BCLAF3: variants seen among roughly 807,000 people sequenced by gnomAD.
BCLAF3 encodes the protein BCLAF1 and THRAP3 family member 3.
BCLAF3 carries 24 observed loss-of-function variants against 51.2 expected under a neutral mutation model. The observed-to-expected ratio is 0.47, with a 90% CI of 0.34 to 0.66. BCLAF3 has a LOEUF of 0.66. BCLAF3 is among the 30% of genes least tolerant of loss of function. The probability of loss-of-function intolerance (pLI) is 0.01; values close to 1 mark genes in which losing one functional copy is unlikely to be tolerated. For missense variants in BCLAF3, 465 were observed against 525.1 expected, an observed-to-expected ratio of 0.89 and a Z score of 1.12; for synonymous variants, 152 against 176.6, an observed-to-expected ratio of 0.86 and a Z score of 1.10.
At chrX:19,945,677 AG>A (rs1246784290) in intron 8 of BCLAF3, among the ~76,000 whole-genome samples, 1 of 77,638 alleles carries the variant, frequency 1.3e-5, no homozygotes, top group Non-Finnish European at 2.2e-5. Flanking sequence ...CTCTCTTCAA[AG>A]CTGTCAGACA....
At chrX:19,976,767 A>G (rs1188998924) in intron 1 of BCLAF3, among the ~76,000 whole-genome samples, 3 of 112,122 alleles carry the variant, frequency 2.7e-5, no homozygotes, top group Non-Finnish European at 5.6e-5. Context: ...AAGTCTGTAG[A>G]GGCACATCTC....
In BCLAF3 at chrX:19,929,816, T is replaced by G. The variant is rs1569500720; in HGVS notation, c.2075A>C (p.Lys692Thr). ...FTGPRGFITH[K>T]FRERLMRKKK... Reference sequence around the variant, plus strand: ...TTTTCTCATTAATCTTTCTCTGAACTTATGAGTGATAAATCCCCTTGGGCC... The same window carrying G: ...TTTTCTCATTAATCTTTCTCTGAACGTATGAGTGATAAATCCCCTTGGGCC... The change falls in exon 11 of 12, where the codon AAG becomes ACG. Residue 692 changes from lysine (K) to threonine (T), a missense_variant. Lys to Thr is a moderately conservative substitution (Grantham distance 78). Transcript: ENST00000379682. The G allele has an allele frequency of 8.3e-6, 10 of 1,206,699 alleles. No homozygotes were observed. In the East Asian group the frequency reaches 3.0e-4, roughly 36 times the overall value.
At chrX:19,971,538 C>T (rs1164477122) in intron 1 of BCLAF3, among the ~76,000 whole-genome samples, 9 of 112,654 alleles carry the variant, frequency 8.0e-5, no homozygotes, top group Non-Finnish European at 1.5e-4. Context: ...CACTTCTAAA[C>T]TTGATTTTTC....
intron 5 of BCLAF3, 62 bp from the exon 6 acceptor site, chrX:19,953,954 T>G: frequency 8.7e-7 from 1 of 1,149,385 alleles, no homozygotes. Context: ...AAAGATTACA[T>G]ATAAGCACAG....
intron 1 of BCLAF3, among the ~76,000 whole-genome samples, chrX:19,989,506 A>G (rs1349842028): frequency 1.8e-5 from 2 of 112,274 alleles, no homozygotes; most frequent in African/African-American, 6.5e-5. Flanking sequence ...AATCATAGAT[A>G]TGCGGACTTT....
Position 19,963,080 on chromosome X carries a change from G to A in BCLAF3, c.1274+1964C>T, listed in dbSNP as rs1158160671. 4.7e-5 allele frequency among the ~76,000 whole-genome samples: 5 copies of A among 107,445 alleles called. No homozygotes were observed. In the Admixed American group the frequency reaches 5.0e-4, roughly 11 times the overall value. The allele number at this position is 107,445 out of a possible 115,157, so 93.3% of individuals were successfully genotyped here. On this transcript the variant is annotated intron_variant, in intron 4 of 11. Coordinates refer to ENST00000379682, the MANE Select transcript of BCLAF3 (RefSeq NM_001367774.2). Reference sequence around the variant, plus strand: ...AGCCTGGGTGACAGAGCGTGACCCTGTCTCAAAAAGAAAAAAAAGAAAGAA... The same window carrying A: ...AGCCTGGGTGACAGAGCGTGACCCTATCTCAAAAAGAAAAAAAAGAAAGAA...
chrX:19,960,993 G>T (rs2071835117), intron 4 of BCLAF3, among the ~76,000 whole-genome samples: 1 of 111,789 alleles, frequency 8.9e-6, no homozygotes, highest in Admixed American at 9.5e-5. Context: ...GGAGATCAAA[G>T]GAGTCTCTGA....
chrX:19,951,707 C>T (rs2071488514), intron 7 of BCLAF3, among the ~76,000 whole-genome samples: 1 of 108,452 alleles, frequency 9.2e-6, no homozygotes, highest in South Asian at 4.0e-4. Flanking sequence ...GTGGGTGGAT[C>T]CCTTGAGTCC....
chrX:19,935,922 T>C (rs1457714537), intron 9 of BCLAF3, 24 bp from the exon 10 acceptor site: 7 of 1,105,584 alleles, frequency 6.3e-6, no homozygotes, highest in Middle Eastern at 2.5e-4. Flanking sequence ...AGTAGTAGTG[T>C]GGGTTAACAG....
At chrX:19,932,847 T>G (rs1313631904) in intron 10 of BCLAF3, among the ~76,000 whole-genome samples, 1 of 111,794 alleles carries the variant, frequency 8.9e-6, no homozygotes, top group African/African-American at 3.3e-5. Context: ...TGAGTCAAGA[T>G]TTTCTCAACA....
rs1034966568 is a variant in BCLAF3 at position 19,959,707 on chromosome X, C to T, written c.1275-4141G>A. ...GTGGGAGGATCGCTAGAGCCCAGGACGTCAAGGCTGCAGTGAGCCGTGATC... is the reference window on the plus strand; with the variant it reads ...GTGGGAGGATCGCTAGAGCCCAGGATGTCAAGGCTGCAGTGAGCCGTGATC... On this transcript the variant is annotated intron_variant, in intron 4 of 11. Coordinates refer to ENST00000379682, the MANE Select transcript of BCLAF3 (RefSeq NM_001367774.2). Among the ~76,000 whole-genome samples the T allele has an allele frequency of 6.3e-5, 7 of 110,686 alleles. No individual in the cohort carries two copies. In the East Asian group the frequency reaches 1.4e-3, roughly 23 times the overall value.
At position 19,984,780 on chromosome X, in the gene BCLAF3, G is replaced by A. The variant is rs1302760444; in HGVS notation, c.-35+6128C>T. Among the ~76,000 whole-genome samples, 3 of 110,343 alleles carry A rather than the reference G, an allele frequency of 2.7e-5. No individual in the cohort carries two copies. In the Admixed American group the frequency reaches 2.9e-4, roughly 11 times the overall value. Reference sequence around the variant, plus strand: ...GGCTCACTGCAACCTCCGCCTCCCAGGTTCAAGTGATTCTCCTGCCTCAGC... The same window carrying A: ...GGCTCACTGCAACCTCCGCCTCCCAAGTTCAAGTGATTCTCCTGCCTCAGC... On this transcript the variant is annotated intron_variant, in intron 1 of 11. Transcript: ENST00000379682.
At chrX:19,930,069 G>T in intron 10 of BCLAF3, 129 bp from the exon 11 acceptor site, 1 of 587,489 alleles carries the variant, frequency 1.7e-6, no homozygotes, top group Non-Finnish European at 2.6e-6. Context: ...GGGAGACTGA[G>T]GCAGAACTCC....
In BCLAF3 at chrX:19,916,511, T is replaced by C. The variant is rs901772179; in HGVS notation, c.*794A>G. On this transcript the variant is annotated 3_prime_UTR_variant, in exon 12 of 12. Transcript: ENST00000379682. ...AATGTGTAATGCTGTAGTAGTAAAG[T>C]ACAATTTTCAAATATGAGATTTTGT... The C allele has an allele frequency of 7.1e-5, 8 of 112,630 alleles. No homozygotes were observed. Among genetic ancestry groups the C allele is most frequent in the African/African-American group, 2.3e-4 (7 of 30,933 alleles). 9.3% of individuals were successfully genotyped at this position (112,630 alleles called of 1,213,427 possible). A position where few individuals can be genotyped will look rare whatever the true frequency, so the allele number is the denominator to read the frequency against.
At chrX:19,943,685 T>C (rs1569503848) in intron 8 of BCLAF3, among the ~76,000 whole-genome samples, 1 of 76,723 alleles carries the variant, frequency 1.3e-5, no homozygotes, top group African/African-American at 5.6e-5. Flanking sequence ...AGGAGAGCTT[T>C]ACTTCCAACT....
chrX:19,951,844 C>CT (rs1476560205), intron 7 of BCLAF3, among the ~76,000 whole-genome samples: 4 of 110,933 alleles, frequency 3.6e-5, no homozygotes, highest in Admixed American at 9.6e-5. Flanking sequence ...GGGAGGATCA[C>CT]TTGAGCCCAG....
intron 1 of BCLAF3, among the ~76,000 whole-genome samples, chrX:19,978,462 A>C (rs2072502281): frequency 8.9e-6 from 1 of 112,111 alleles, no homozygotes; most frequent in African/African-American, 3.2e-5. Context: ...GAGAGCTAGA[A>C]GAGGAAGTAA....
Position 19,964,910 on chromosome X carries a change from T to C in BCLAF3, c.1274+134A>G. The C allele has an allele frequency of 7.7e-6, 4 of 522,209 alleles. No individual in the cohort carries two copies. In the South Asian group the frequency reaches 2.0e-4, roughly 26 times the overall value. The allele number at this position is 522,209 out of a possible 1,213,427, so 43.0% of individuals were successfully genotyped here. ...AACAGCCTCACTACAGGGCTTTTTT[T>C]TTGGGGGGGAAAATTCTTGGCAATC... On this transcript the variant is annotated intron_variant, in intron 4 of 11. Coordinates refer to ENST00000379682, the MANE Select transcript of BCLAF3 (RefSeq NM_001367774.2).
intron 8 of BCLAF3, among the ~76,000 whole-genome samples, chrX:19,939,622 T>C (rs2070921074): frequency 9.0e-6 from 1 of 111,716 alleles, no homozygotes; most frequent in African/African-American, 3.3e-5. Context: ...CCAATATGCA[T>C]AACATCACTA....
Sources: allele counts gnomAD v4.1 joint callset (sites outside exome capture counted in the v4.1 genomes callset), GRCh38; gene constraint gnomAD v4.1.1; transcripts MANE v1.5; gene names NCBI Gene and HGNC (gene_info 2026-07-23, HGNC 2026-07-21).